Variants in GNAQ observed in about 807,000 individuals in gnomAD.
GNAQ encodes G protein subunit alpha q, also known as guanine nucleotide-binding protein G(q) subunit alpha.
Under a neutral mutation model 43.9 loss-of-function variants are expected in GNAQ, and 8 were observed. The observed-to-expected ratio is 0.18, with a 90% CI of 0.11 to 0.33. The LOEUF is 0.33. Ranked by LOEUF, GNAQ falls within the 10% of genes least tolerant of loss-of-function variation. GNAQ has a pLI of 1.00. For missense variants in GNAQ, 158 were observed against 450.8 expected (o/e 0.35, Z 5.88); for synonymous variants, 155 against 170.7 (o/e 0.91, Z 0.71).
intron 2 of GNAQ, among the ~76,000 whole-genome samples, chr9:77,868,943 T>C (rs1240729162): frequency 1.3e-5 from 2 of 152,100 alleles, no homozygotes; most frequent in African/African-American, 4.8e-5. Flanking sequence ...GCCGAGATCA[T>C]GCCACTGCAC....
At chr9:77,775,634 G>A (rs1826296111) in intron 5 of GNAQ, among the ~76,000 whole-genome samples, 2 of 151,710 alleles carry the variant, frequency 1.3e-5, no homozygotes, top group African/African-American at 2.4e-5. Context: ...ATCTCTTGAC[G>A]TGATCAGCCT....
At chr9:77,907,509 A>T (rs1001787563) in intron 2 of GNAQ, among the ~76,000 whole-genome samples, 4 of 152,256 alleles carry the variant, frequency 2.6e-5, no homozygotes, top group African/African-American at 9.6e-5. Context: ...GCAAGTCCCC[A>T]TAAGCAAAGT....
chr9:77,834,125 A>G (rs945183025), intron 2 of GNAQ, among the ~76,000 whole-genome samples: 2 of 152,214 alleles, frequency 1.3e-5, no homozygotes, highest in African/African-American at 2.4e-5. Flanking sequence ...ATTACACAAC[A>G]ATGATTTAGT....
intron 2 of GNAQ, among the ~76,000 whole-genome samples, chr9:77,858,053 G>A (rs1231614307): frequency 6.6e-6 from 1 of 152,068 alleles, no homozygotes; most frequent in Non-Finnish European, 1.5e-5. Context: ...GAAAGTTACT[G>A]CAGCATTTCC....
intron 1 of GNAQ, among the ~76,000 whole-genome samples, chr9:77,935,330 A>G (rs1829215290): frequency 6.6e-6 from 1 of 152,116 alleles, no homozygotes; most frequent in Admixed American, 6.5e-5. Flanking sequence ...GCATTAAACC[A>G]CCCAGCAAGG....
At chr9:77,795,367 T>C (rs1826640767) in intron 4 of GNAQ, among the ~76,000 whole-genome samples, 1 of 152,302 alleles carries the variant, frequency 6.6e-6, no homozygotes, top group Admixed American at 6.5e-5. Flanking sequence ...TGTCTGAAAA[T>C]ATCTAGCAAT....
chr9:77,791,049 G>A (rs747289333), intron 5 of GNAQ, among the ~76,000 whole-genome samples: 9 of 152,186 alleles, frequency 5.9e-5, no homozygotes, highest in Non-Finnish European at 1.0e-4. Flanking sequence ...CTTGATCAAG[G>A]AGGGCCTAGG....
At chr9:77,745,292 G>T (rs573177544) in intron 5 of GNAQ, among the ~76,000 whole-genome samples, 12 of 152,232 alleles carry the variant, frequency 7.9e-5, no homozygotes, top group African/African-American at 2.9e-4. Context: ...AGGCAGGGAG[G>T]AAAGCTGTTT....
At chr9:77,953,612 A>G (rs992534538) in intron 1 of GNAQ, among the ~76,000 whole-genome samples, 16 of 152,222 alleles carry the variant, frequency 1.1e-4, no homozygotes, top group African/African-American at 3.9e-4. Context: ...ACTACCAGGC[A>G]GTGAATCCCT....
chr9:77,779,409 C>T (rs1379566719), intron 5 of GNAQ, among the ~76,000 whole-genome samples: 3 of 151,746 alleles, frequency 2.0e-5, no homozygotes, highest in Non-Finnish European at 4.4e-5. Flanking sequence ...CAACAAAATC[C>T]ATGCTTAGAG....
chr9:78,020,628 C>A (rs145970586), intron 1 of GNAQ, among the ~76,000 whole-genome samples: 4 of 152,254 alleles, frequency 2.6e-5, no homozygotes, highest in African/African-American at 9.6e-5. Flanking sequence ...CTGGCTCTTC[C>A]TGATTGAGAA....
intron 1 of GNAQ, among the ~76,000 whole-genome samples, chr9:78,005,569 G>A (rs192700000): frequency 1.3e-4 from 20 of 152,254 alleles, no homozygotes; most frequent in Admixed American, 7.2e-4. Flanking sequence ...AACATATCAC[G>A]GAAGAAGCAA....
intron 6 of GNAQ, among the ~76,000 whole-genome samples, chr9:77,725,763 A>G (rs1250122140): frequency 6.6e-6 from 1 of 152,082 alleles, no homozygotes; most frequent in Non-Finnish European, 1.5e-5. Flanking sequence ...ACTGATCACA[A>G]ACTAAGTCTT....
At chr9:77,861,327 G>A (rs1400163070) in intron 2 of GNAQ, among the ~76,000 whole-genome samples, 2 of 152,154 alleles carry the variant, frequency 1.3e-5, no homozygotes, top group African/African-American at 4.8e-5. Context: ...TTTGGGTGGG[G>A]AAACAGCCAA....
intron 1 of GNAQ, among the ~76,000 whole-genome samples, chr9:77,983,823 G>T (rs760841925): frequency 1.3e-5 from 2 of 151,896 alleles, no homozygotes; most frequent in Non-Finnish European, 2.9e-5. Flanking sequence ...TAGTGGGGAG[G>T]ACTCTTTCCT....
intron 1 of GNAQ, among the ~76,000 whole-genome samples, chr9:77,935,698 A>C (rs2118323907): frequency 6.6e-6 from 1 of 152,300 alleles, no homozygotes; most frequent in African/African-American, 2.4e-5. Flanking sequence ...GCCAGTTAAA[A>C]AAGGTACCCT....
At chr9:77,853,179 C>T (rs1284333801) in intron 2 of GNAQ, among the ~76,000 whole-genome samples, 3 of 152,160 alleles carry the variant, frequency 2.0e-5, no homozygotes, top group Non-Finnish European at 4.4e-5. Flanking sequence ...GTTTCATGGT[C>T]TTCCACCCAG....
At chr9:77,810,234 CT>C (rs1826898722) in intron 3 of GNAQ, among the ~76,000 whole-genome samples, 1 of 151,230 alleles carries the variant, frequency 6.6e-6, no homozygotes, top group African/African-American at 2.5e-5. Context: ...ATCTATCTAT[CT>C]ATCTATCTAT....
intron 1 of GNAQ, among the ~76,000 whole-genome samples, chr9:77,950,884 T>G (rs935347042): frequency 7.9e-5 from 12 of 152,066 alleles, no homozygotes; most frequent in Admixed American, 7.9e-4. Context: ...AACATAATAC[T>G]GCGGAGCTGC....
Sources: gnomAD v4.1 joint callset for allele counts (sites outside exome capture counted in the v4.1 genomes callset) on GRCh38, gnomAD v4.1.1 for gene constraint, MANE v1.5 for transcripts, NCBI Gene and HGNC (gene_info 2026-07-23, HGNC 2026-07-21) for gene names.